CD48: variants seen among roughly 807,000 people sequenced by gnomAD.
The protein encoded by CD48 is CD48 antigen.
A neutral mutation model predicts 22.0 loss-of-function variants in CD48; 20 were observed. That is an observed-to-expected ratio of 0.91 (90% CI 0.64 to 1.32). The LOEUF (loss-of-function observed/expected upper bound fraction) is 1.32. CD48 is among the 40% of genes most tolerant of loss of function. The probability of loss-of-function intolerance (pLI) is 0.00; values close to 1 mark genes in which losing one functional copy is unlikely to be tolerated. For missense variants in CD48, 307 were observed against 286.5 expected (o/e 1.07, Z -0.52); for synonymous variants, 110 against 110.1 (o/e 1.00, Z 0.01).
chr1:160,679,158 CT>C, intron 3 of CD48, 27 bp from the exon 4 acceptor site: 1 of 1,580,274 alleles, frequency 6.3e-7, no homozygotes, highest in Non-Finnish European at 8.7e-7. Flanking sequence ...ACCCTATATG[CT>C]TAGGTATCTT....
At chr1:160,693,902 G>C (rs1239289592) in intron 1 of CD48, among the ~76,000 whole-genome samples, 1 of 152,288 alleles carries the variant, frequency 6.6e-6, no homozygotes, top group Non-Finnish European at 1.5e-5. Context: ...GAATAAGCCA[G>C]TTACCACAGT....
intron 1 of CD48, among the ~76,000 whole-genome samples, chr1:160,689,576 G>C (rs1470578670): frequency 6.6e-6 from 1 of 152,186 alleles, no homozygotes; most frequent in African/African-American, 2.4e-5. Flanking sequence ...AGGAGAAAAA[G>C]AAAAGTAATC....
intron 1 of CD48, among the ~76,000 whole-genome samples, chr1:160,706,580 C>A (rs1014781190): frequency 6.6e-6 from 1 of 152,056 alleles, no homozygotes; most frequent in African/African-American, 2.4e-5. Context: ...TAGGAAGTAG[C>A]TGAAGCAACC....
intron 1 of CD48, among the ~76,000 whole-genome samples, chr1:160,709,044 C>T (rs942506683): frequency 1.3e-5 from 2 of 152,178 alleles, no homozygotes; most frequent in African/African-American, 4.8e-5. Flanking sequence ...ATTGCAAGCA[C>T]ATGAAAAGCA....
intron 1 of CD48, among the ~76,000 whole-genome samples, chr1:160,704,041 A>C (rs58871237): frequency 2.2e-4 from 33 of 152,298 alleles, no homozygotes; most frequent in Middle Eastern, 3.4e-3. Context: ...TTCCTGTAAA[A>C]GTGGCTCATG....
chr1:160,683,905 T>C (rs901666094), intron 2 of CD48: 2 of 152,050 alleles, frequency 1.3e-5, no homozygotes, highest in African/African-American at 4.8e-5. Context: ...CTGGAGCCCC[T>C]CCCCATATCC....
At chr1:160,706,483 T>C (rs1021142099) in intron 1 of CD48, among the ~76,000 whole-genome samples, 3 of 152,212 alleles carry the variant, frequency 2.0e-5, no homozygotes, top group Non-Finnish European at 4.4e-5. Flanking sequence ...GCTGTCCTGA[T>C]GGTTGGCTGT....
At chr1:160,687,781 G>C (rs1298893541) in intron 1 of CD48, among the ~76,000 whole-genome samples, 4 of 152,198 alleles carry the variant, frequency 2.6e-5, no homozygotes, top group Non-Finnish European at 4.4e-5. Context: ...GGAGCCCCCA[G>C]TAGACTTAAT....
chr1:160,701,410 T>G (rs945708500), intron 1 of CD48, among the ~76,000 whole-genome samples: 1 of 151,880 alleles, frequency 6.6e-6, no homozygotes, highest in Admixed American at 6.6e-5. Flanking sequence ...AAGCCTCCAG[T>G]TTTTCTTTAG....
intron 2 of CD48, chr1:160,683,852 T>G (rs1306329840): frequency 1.3e-5 from 2 of 152,144 alleles, no homozygotes; most frequent in African/African-American, 4.8e-5. Context: ...CACTCTTGGA[T>G]TATTTAGCCC....
intron 1 of CD48, among the ~76,000 whole-genome samples, chr1:160,696,777 C>A (rs539500780): frequency 1.4e-5 from 2 of 141,348 alleles, no homozygotes; most frequent in East Asian, 4.0e-4. Flanking sequence ...GGAGAAAGTA[C>A]TTCCCATGTT....
chr1:160,697,812 A>G (rs1176311949), intron 1 of CD48, among the ~76,000 whole-genome samples: 1 of 152,068 alleles, frequency 6.6e-6, no homozygotes, highest in African/African-American at 2.4e-5. Context: ...CAATTCTACC[A>G]CAATTGCTCA....
chr1:160,700,030 A>G (rs1284724269), intron 1 of CD48, among the ~76,000 whole-genome samples: 2 of 152,148 alleles, frequency 1.3e-5, no homozygotes, highest in East Asian at 3.9e-4. Context: ...GACAATATTT[A>G]AAGGTTTGGG....
At chr1:160,702,596 T>C (rs1662669631) in intron 1 of CD48, among the ~76,000 whole-genome samples, 1 of 152,190 alleles carries the variant, frequency 6.6e-6, no homozygotes, top group Non-Finnish European at 1.5e-5. Flanking sequence ...TTTGGCCATG[T>C]TTGTTGAACC....
intron 1 of CD48, among the ~76,000 whole-genome samples, chr1:160,694,504 G>T (rs1196325908): frequency 2.6e-5 from 4 of 151,750 alleles, no homozygotes; most frequent in African/African-American, 9.7e-5. Context: ...ATTGCTTAGG[G>T]CCACATAATC....
At chr1:160,690,166 CA>C (rs1007850343) in intron 1 of CD48, among the ~76,000 whole-genome samples, 2 of 152,148 alleles carry the variant, frequency 1.3e-5, no homozygotes, top group African/African-American at 2.4e-5. Context: ...ATAAATGAAT[CA>C]AAAGCCTTAC....
rs112983858 is a variant in CD48 at position 160,681,171 on chromosome 1, G to GC, written c.652+30dup. The GC allele has an allele frequency of 2.0e-4, 325 of 1,613,976 alleles. 1 individual carries two copies. The Admixed American group carries it at 2.1e-3, about 11-fold the overall frequency. On this transcript the variant is annotated intron_variant, in intron 3 of 3. Transcript: ENST00000368046. ...TTCAAAACAACTCCAGTTACCCTGTGCCCCCCTCAGCTCCCAGGGATCCTT... is the reference window on the plus strand; with the variant it reads ...TTCAAAACAACTCCAGTTACCCTGTGCCCCCCCTCAGCTCCCAGGGATCCTT...
intron 1 of CD48, among the ~76,000 whole-genome samples, chr1:160,691,140 T>C (rs1662199717): frequency 6.6e-6 from 1 of 152,100 alleles, no homozygotes; most frequent in Non-Finnish European, 1.5e-5. Flanking sequence ...TCTCCCCATG[T>C]GATAGTCTGA....
At chr1:160,684,544 T>C (rs574667401) in intron 2 of CD48, 3 of 580,754 alleles carry the variant, frequency 5.2e-6, no homozygotes, top group Admixed American at 6.6e-5. Flanking sequence ...TTAAGTCCAA[T>C]GAAGCCTAAT....
Sources: allele counts gnomAD v4.1 joint callset (sites outside exome capture counted in the v4.1 genomes callset), GRCh38; gene constraint gnomAD v4.1.1; transcripts MANE v1.5; gene names NCBI Gene and HGNC (gene_info 2026-07-23, HGNC 2026-07-21).